The following RERG variants were observed in gnomAD, a reference collection of about 807,000 sequenced individuals.
RERG encodes RAS like estrogen regulated growth inhibitor, also known as ras-related and estrogen-regulated growth inhibitor.
In RERG, 25 loss-of-function variants were observed where a neutral mutation model predicts 23.2. That is an observed-to-expected ratio of 1.08 (90% CI 0.79 to 1.50). The LOEUF (loss-of-function observed/expected upper bound fraction) is 1.50. RERG is among the 40% of genes most tolerant of loss of function. The pLI, the probability that RERG is intolerant of heterozygous loss-of-function variation, is 0.00. For missense variants in RERG, 253 were observed against 250.1 expected, an observed-to-expected ratio of 1.01 and a Z score of -0.08; for synonymous variants, 81 against 89.1, an observed-to-expected ratio of 0.91 and a Z score of 0.51.
chr12:15,159,068 CTT>C (rs1864565491), intron 2 of RERG, among the ~76,000 whole-genome samples: 2 of 152,200 alleles, frequency 1.3e-5, no homozygotes, highest in Admixed American at 6.5e-5. Flanking sequence ...AGTTTTCTAA[CTT>C]GTCATTTCTT....
At chr12:15,181,608 G>A (rs1565530432) in intron 2 of RERG, among the ~76,000 whole-genome samples, 1 of 152,142 alleles carries the variant, frequency 6.6e-6, no homozygotes, top group Non-Finnish European at 1.5e-5. Context: ...TATTTCATAG[G>A]ATTGTTATGA....
At chr12:15,195,283 A>C (rs1457699981) in intron 2 of RERG, among the ~76,000 whole-genome samples, 1 of 152,008 alleles carries the variant, frequency 6.6e-6, no homozygotes, top group Non-Finnish European at 1.5e-5. Flanking sequence ...TCACAAATGG[A>C]ATGACATACA....
chr12:15,174,527 C>G (rs1162413200), intron 2 of RERG, among the ~76,000 whole-genome samples: 1 of 149,906 alleles, frequency 6.7e-6, no homozygotes, highest in Non-Finnish European at 1.5e-5. Context: ...CAAACTTAGG[C>G]AGTTTTGGGC....
intron 2 of RERG, among the ~76,000 whole-genome samples, chr12:15,165,265 A>G (rs1299460641): frequency 6.6e-6 from 1 of 152,312 alleles, no homozygotes; most frequent in East Asian, 1.9e-4. Context: ...CTGTCTCCGT[A>G]CAACTAAGGA....
intron 1 of RERG, among the ~76,000 whole-genome samples, chr12:15,220,667 T>G (rs970636494): frequency 6.6e-6 from 1 of 152,194 alleles, no homozygotes; most frequent in Non-Finnish European, 1.5e-5. Context: ...TTGGAACTTC[T>G]GTTTGCATGC....
intron 2 of RERG, among the ~76,000 whole-genome samples, chr12:15,162,962 G>C (rs570244389): frequency 6.6e-6 from 1 of 152,290 alleles, no homozygotes; most frequent in Non-Finnish European, 1.5e-5. Context: ...AGGTTTTATG[G>C]AGATGTTCAG....
intron 2 of RERG, among the ~76,000 whole-genome samples, chr12:15,128,002 T>C (rs1863977348): frequency 6.6e-6 from 1 of 152,226 alleles, no homozygotes; most frequent in South Asian, 2.1e-4. Flanking sequence ...AAAACTGATA[T>C]GAACCCAACT....
chr12:15,129,121 T>G (rs1253698329), intron 2 of RERG, among the ~76,000 whole-genome samples: 2 of 152,212 alleles, frequency 1.3e-5, no homozygotes, highest in Non-Finnish European at 1.5e-5. Flanking sequence ...GACAGCTAGT[T>G]GAAGCTTCGC....
chr12:15,184,599 C>T (rs1190719216), intron 2 of RERG, among the ~76,000 whole-genome samples: 2 of 152,136 alleles, frequency 1.3e-5, no homozygotes, highest in East Asian at 3.9e-4. Flanking sequence ...TTATTACAGG[C>T]TGTAAACCTG....
chr12:15,179,386 C>T (rs767066888), intron 2 of RERG, among the ~76,000 whole-genome samples: 1 of 152,174 alleles, frequency 6.6e-6, no homozygotes, highest in Non-Finnish European at 1.5e-5. Flanking sequence ...CTGCTTGTCT[C>T]TTTCTAAATT....
chr12:15,168,889 G>A (rs1289041379), intron 2 of RERG, among the ~76,000 whole-genome samples: 1 of 152,218 alleles, frequency 6.6e-6, no homozygotes, highest in Non-Finnish European at 1.5e-5. Flanking sequence ...CAAGTACATA[G>A]TGAGGAGCAG....
chr12:15,207,120 T>C (rs1180260738), intron 2 of RERG, among the ~76,000 whole-genome samples: 1 of 152,138 alleles, frequency 6.6e-6, no homozygotes, highest in Non-Finnish European at 1.5e-5. Flanking sequence ...AAAAGTGACA[T>C]AATTTCACTA....
Position 15,109,108 on chromosome 12 carries a change from G to A in RERG, c.*2C>T, listed in dbSNP as rs1292156113. The A allele has an allele frequency of 3.2e-6, 5 of 1,577,456 alleles. No homozygotes were observed. The East Asian group carries it at 1.1e-4, about 35-fold the overall frequency. On this transcript the variant is annotated 3_prime_UTR_variant, in exon 5 of 5. Coordinates refer to ENST00000256953, the MANE Select transcript of RERG (RefSeq NM_032918.3). ...TTAGTTGGTCCACCTCAGCTGGGCT[G>A]CCTAACTACTGATTTTGGTGAGCAT... is the stretch of plus-strand genomic sequence containing the variant.
At chr12:15,209,362 A>C (rs533161131) in intron 2 of RERG, among the ~76,000 whole-genome samples, 4 of 152,370 alleles carry the variant, frequency 2.6e-5, no homozygotes, top group African/African-American at 9.6e-5. Flanking sequence ...GAATAAAAGG[A>C]GATAAGGATG....
rs562096391 is a variant in RERG at position 15,182,138 on chromosome 12, A to T, written c.61+35291T>A. Among the ~76,000 whole-genome samples the T allele has an allele frequency of 8.8e-5, 13 of 148,324 alleles. No individual in the cohort carries two copies. The South Asian group carries it at 2.5e-3, about 29-fold the overall frequency. On this transcript the variant is annotated intron_variant, in intron 2 of 4. Coordinates refer to ENST00000256953, the MANE Select transcript of RERG (RefSeq NM_032918.3). ...CAATGGCGCGATCTTGGCTCACTGC[A>T]GCCTCTGTCTCTTAGGATCAAGCAA... is the stretch of plus-strand genomic sequence containing the variant.
intron 2 of RERG, among the ~76,000 whole-genome samples, chr12:15,207,593 C>T (rs1421513872): frequency 6.6e-6 from 1 of 152,124 alleles, no homozygotes; most frequent in Non-Finnish European, 1.5e-5. Context: ...CACAGTTGTG[C>T]TCTGATCTGT....
intron 2 of RERG, among the ~76,000 whole-genome samples, chr12:15,185,014 A>G (rs1864970916): frequency 2.0e-5 from 3 of 152,202 alleles, no homozygotes; most frequent in Admixed American, 2.0e-4. Flanking sequence ...AAATAGCCTC[A>G]ATATGATTCC....
At chr12:15,195,737 C>A (rs909142703) in intron 2 of RERG, among the ~76,000 whole-genome samples, 1 of 152,046 alleles carries the variant, frequency 6.6e-6, no homozygotes, top group African/African-American at 2.4e-5. Context: ...CTGAGACATG[C>A]AGATACCTAG....
intron 2 of RERG, among the ~76,000 whole-genome samples, chr12:15,139,143 T>C (rs770914478): frequency 2.0e-5 from 3 of 151,952 alleles, no homozygotes; most frequent in South Asian, 4.1e-4. Context: ...ACTTTATTTG[T>C]GTAGGTCTAC....
Sources: allele counts gnomAD v4.1 joint callset (sites outside exome capture counted in the v4.1 genomes callset), GRCh38; gene constraint gnomAD v4.1.1; transcripts MANE v1.5; gene names NCBI Gene and HGNC (gene_info 2026-07-23, HGNC 2026-07-21).